MALRD1: variants seen among roughly 807,000 people sequenced by gnomAD.
MALRD1 encodes MAM and LDL-receptor class A domain-containing protein 1.
MALRD1 carries 247 observed loss-of-function variants against 242.1 expected under a neutral mutation model. The observed-to-expected ratio is 1.02, with a 90% CI of 0.92 to 1.13. The LOEUF is 1.13. MALRD1 is among the 50% of genes most tolerant of loss of function. MALRD1 has a pLI of 0.00. For synonymous variants in MALRD1, 995 were observed against 866.6 expected, an observed-to-expected ratio of 1.15 and a Z score of -2.60; for missense variants, 2,989 against 2,533.1, an observed-to-expected ratio of 1.18 and a Z score of -3.86.
chr10:19,073,379 T>C (rs1245861870), intron 2 of MALRD1, among the ~76,000 whole-genome samples: 1 of 152,190 alleles, frequency 6.6e-6, no homozygotes, highest in Non-Finnish European at 1.5e-5. Context: ...TAAGACATCA[T>C]GATAATGTTG....
At chr10:19,682,000 T>A (rs1842391775) in intron 36 of MALRD1, among the ~76,000 whole-genome samples, 1 of 152,048 alleles carries the variant, frequency 6.6e-6, no homozygotes, top group Non-Finnish European at 1.5e-5. Context: ...CCCAGCTAAT[T>A]TCTGGGATAC....
intron 32 of MALRD1, among the ~76,000 whole-genome samples, chr10:19,535,171 A>C (rs555272601): frequency 1.3e-5 from 2 of 152,294 alleles, no homozygotes; most frequent in East Asian, 3.9e-4. Context: ...GGCGTGAGCC[A>C]CTGCGCCCGA....
chr10:19,185,350 GT>G (rs1483798581), intron 14 of MALRD1, among the ~76,000 whole-genome samples: 1 of 151,880 alleles, frequency 6.6e-6, no homozygotes, highest in African/African-American at 2.4e-5. Context: ...TTAGTCCAAA[GT>G]GCATGTACTA....
intron 5 of MALRD1, among the ~76,000 whole-genome samples, chr10:19,117,377 G>A (rs12252665): frequency 0.23 from 35,367 of 151,684 alleles, 5,187 homozygotes; most frequent in African/African-American, 0.4. Context: ...CATTTGACAA[G>A]AGCTACGTTT....
intron 33 of MALRD1, among the ~76,000 whole-genome samples, chr10:19,573,398 A>G (rs1203624840): frequency 6.6e-6 from 1 of 152,160 alleles, no homozygotes; most frequent in Non-Finnish European, 1.5e-5. Context: ...AGGTGGTGGC[A>G]GCAGCCCTGG....
chr10:19,190,779 A>G (rs969573754), intron 14 of MALRD1, among the ~76,000 whole-genome samples: 1 of 151,986 alleles, frequency 6.6e-6, no homozygotes, highest in Admixed American at 6.6e-5. Context: ...TTGGACCCTT[A>G]CCTAACTTCA....
Position 19,609,132 on chromosome 10 carries a change from A to G in MALRD1, c.6070+1230A>G, listed in dbSNP as rs1838771171. ...TTAAAAATAGGATCAGAAAAACAGA[A>G]GACTTGTCATTCATACCCAGCCATA... On this transcript the variant is annotated intron_variant, in intron 35 of 39. Transcript: ENST00000454679. Among the ~76,000 whole-genome samples, 3 of 152,078 alleles carry G rather than the reference A, an allele frequency of 2.0e-5. No individual in the cohort carries two copies. The South Asian group carries it at 6.2e-4, about 31-fold the overall frequency.
chr10:19,663,855 C>T (rs192243710), intron 36 of MALRD1, among the ~76,000 whole-genome samples: 28 of 152,108 alleles, frequency 1.8e-4, no homozygotes, highest in Non-Finnish European at 3.5e-4. Context: ...AATGTTCTGT[C>T]CTGCTGGGCT....
chr10:19,371,846 T>C (rs1374563149), intron 26 of MALRD1, among the ~76,000 whole-genome samples: 1 of 152,242 alleles, frequency 6.6e-6, no homozygotes, highest in Non-Finnish European at 1.5e-5. Flanking sequence ...GATAATTGGT[T>C]AATTGCTTTG....
At chr10:19,204,044 T>C (rs1424754997) in intron 15 of MALRD1, among the ~76,000 whole-genome samples, 164 bp downstream of exon 15, 2 of 152,234 alleles carry the variant, frequency 1.3e-5, no homozygotes, top group African/African-American at 4.8e-5. Flanking sequence ...GATTCCTTTA[T>C]GGGTGGTACA....
chr10:19,348,045 C>A, intron 25 of MALRD1, 27 bp downstream of exon 25: 1 of 1,541,374 alleles, frequency 6.5e-7, no homozygotes, highest in South Asian at 1.2e-5. Flanking sequence ...ACCAACCAAC[C>A]AAACAAACAC....
chr10:19,689,895 A>G (rs565902321), intron 36 of MALRD1, among the ~76,000 whole-genome samples: 1 of 152,236 alleles, frequency 6.6e-6, no homozygotes, highest in East Asian at 1.9e-4. Flanking sequence ...TTACTGACTA[A>G]AATTTTTGGA....
intron 14 of MALRD1, among the ~76,000 whole-genome samples, chr10:19,201,327 T>C (rs1289911405): frequency 6.6e-6 from 1 of 152,144 alleles, no homozygotes; most frequent in African/African-American, 2.4e-5. Context: ...AGCATAATTA[T>C]CTGTTGAAAA....
intron 36 of MALRD1, 99 bp downstream of exon 36, chr10:19,616,022 T>G: frequency 1.2e-6 from 1 of 852,136 alleles, no homozygotes; most frequent in African/African-American, 1.7e-5. Flanking sequence ...CAGTTTGTGG[T>G]TAGTAAGGTA....
intron 24 of MALRD1, among the ~76,000 whole-genome samples, chr10:19,337,832 G>A (rs991306418): frequency 2.0e-5 from 3 of 152,062 alleles, no homozygotes; most frequent in South Asian, 2.1e-4. Flanking sequence ...GGAGGCCAAG[G>A]TGGGTGGATC....
chr10:19,728,054 T>C (rs1331858162), intron 38 of MALRD1, among the ~76,000 whole-genome samples: 1 of 152,186 alleles, frequency 6.6e-6, no homozygotes, highest in Non-Finnish European at 1.5e-5. Flanking sequence ...AGGAAAGACA[T>C]TAAAATTTAA....
At chr10:19,571,680 A>G (rs1836547943) in intron 33 of MALRD1, among the ~76,000 whole-genome samples, 1 of 149,412 alleles carries the variant, frequency 6.7e-6, no homozygotes, top group Non-Finnish European at 1.5e-5. Flanking sequence ...AAAGCAAGAA[A>G]CAGAAATTAA....
intron 32 of MALRD1, among the ~76,000 whole-genome samples, chr10:19,532,361 T>C (rs1193937887): frequency 6.6e-6 from 1 of 152,112 alleles, no homozygotes; most frequent in Non-Finnish European, 1.5e-5. Context: ...TTCAAGTGAT[T>C]CTCCTGCCTC....
Position 19,155,089 on chromosome 10 carries a change from T to C in MALRD1, c.1573T>C (p.Leu525=). 1 of 1,231,562 alleles carries C rather than the reference T, an allele frequency of 8.1e-7. No individual in the cohort carries two copies. Among genetic ancestry groups the C allele is most frequent in the Non-Finnish European group, 1.0e-6 (1 of 987,850 alleles). The allele number at this position is 1,231,562 out of a possible 1,614,324, so 76.3% of individuals were successfully genotyped here. Residue 525 remains leucine, a synonymous_variant, in exon 12 of 40, where the codon TTG becomes CTG. Transcript: ENST00000454679. Reference sequence around the variant, plus strand: ...TGTTTTTTCAGGATCGTTTATTTATTTGGAGGCACAGCGCTCCCCCGGGGT... The same window carrying C: ...TGTTTTTTCAGGATCGTTTATTTATCTGGAGGCACAGCGCTCCCCCGGGGT... ...ANINHGSFIY[L]EAQRSPGVAK... is the part of the protein sequence containing the mutation.
Sources: allele counts gnomAD v4.1 joint callset (sites outside exome capture counted in the v4.1 genomes callset), GRCh38; gene constraint gnomAD v4.1.1; transcripts MANE v1.5; gene names NCBI Gene and HGNC (gene_info 2026-07-23, HGNC 2026-07-21).